The following AFDN variants were observed in gnomAD, a reference collection of about 807,000 sequenced individuals.
The protein encoded by AFDN is afadin, adherens junction formation factor, also known as afadin.
AFDN carries 68 observed loss-of-function variants against 216.6 expected under a neutral mutation model. The observed-to-expected ratio is 0.31, with a 90% confidence interval of 0.26 to 0.38. The LOEUF (loss-of-function observed/expected upper bound fraction) is 0.38. Ranked by LOEUF, AFDN falls within the 10% of genes least tolerant of loss-of-function variation. The pLI, the probability that AFDN is intolerant of heterozygous loss-of-function variation, is 1.00. For synonymous variants in AFDN, 868 were observed against 853.7 expected (o/e 1.02, Z -0.29); for missense variants, 2,136 against 2,342.0 (o/e 0.91, Z 1.82).
In AFDN at chr6:167,864,438, T is replaced by G. The variant is rs1334269829; in HGVS notation, c.106-113T>G. On this transcript the variant is annotated intron_variant, in intron 1 of 33. Transcript: ENST00000683244. The stretch of plus-strand genomic sequence containing the variant: ...TCTCTCTACATTAGTCTCAGATGTT[T>G]ATGATGAAGCATTTTTTAAAAAAGT... 3 of 1,013,592 alleles carry G rather than the reference T, an allele frequency of 3.0e-6. No individual in the cohort carries two copies. In the African/African-American group the frequency reaches 4.7e-5, roughly 16 times the overall value. 62.8% of individuals were successfully genotyped at this position (1,013,592 alleles called of 1,614,324 possible). A position where few individuals can be genotyped will look rare whatever the true frequency, so the allele number is the denominator to read the frequency against.
intron 1 of AFDN, among the ~76,000 whole-genome samples, chr6:167,845,957 G>A (rs1781628150): frequency 6.6e-6 from 1 of 152,144 alleles, no homozygotes; most frequent in South Asian, 2.1e-4. Context: ...CAGGAGAGAA[G>A]TGAGTGCAAG....
Position 167,909,080 on chromosome 6 carries a change from T to C in AFDN, c.1769+1791T>C, listed in dbSNP as rs146984304. ...GTAAAGTTTACTCAGGTTCACTTTA[T>C]GAGATATATAACTGCCTAGCTACAA... is the stretch of plus-strand genomic sequence containing the variant. On this transcript the variant is annotated intron_variant, in intron 13 of 33. Coordinates refer to ENST00000683244, the MANE Select transcript of AFDN (RefSeq NM_001386888.1). Among the ~76,000 whole-genome samples, 662 of 152,262 alleles carry C rather than the reference T, an allele frequency of 4.3e-3. 7 individuals carry two copies. The highest frequency in any genetic ancestry group is 0.015 in the East Asian group (79 of 5,192).
At chr6:167,830,942 T>TC (rs892904238) in intron 1 of AFDN, among the ~76,000 whole-genome samples, 1 of 137,202 alleles carries the variant, frequency 7.3e-6, no homozygotes, top group Non-Finnish European at 1.6e-5. Flanking sequence ...ACTTTTTTTT[T>TC]TTTTTTTTTT....
At chr6:167,944,267 C>T (rs1030550857) in intron 26 of AFDN, among the ~76,000 whole-genome samples, 3 of 152,162 alleles carry the variant, frequency 2.0e-5, no homozygotes, top group Non-Finnish European at 4.4e-5. Context: ...CAGGACCCCT[C>T]CCTGTCACCA....
intron 3 of AFDN, 26 bp downstream of exon 3, chr6:167,870,524 G>A (rs756653203): frequency 6.8e-6 from 10 of 1,478,884 alleles, no homozygotes; most frequent in Admixed American, 5.3e-5. Flanking sequence ...ATTTTATGAC[G>A]GTCTTGGTCC....
chr6:167,921,545 A>G (rs1460556882), intron 21 of AFDN, among the ~76,000 whole-genome samples: 2 of 152,212 alleles, frequency 1.3e-5, no homozygotes, highest in East Asian at 3.8e-4. Context: ...CATACAATAC[A>G]GTTCTGTGAG....
intron 31 of AFDN, chr6:167,963,750 C>T (rs2128751425): frequency 9.4e-7 from 1 of 1,062,116 alleles, no homozygotes; most frequent in Non-Finnish European, 1.1e-6. Context: ...GGATTAGGTT[C>T]CCCTGTGAGT....
At chr6:167,939,534 T>C (rs895964512) in intron 23 of AFDN, among the ~76,000 whole-genome samples, 2 of 152,230 alleles carry the variant, frequency 1.3e-5, no homozygotes, top group Admixed American at 1.3e-4. Context: ...TAAACTCTGC[T>C]GAAGAATAGA....
chr6:167,920,976 T>C (rs900586574), intron 21 of AFDN, among the ~76,000 whole-genome samples: 3 of 152,228 alleles, frequency 2.0e-5, no homozygotes, highest in Admixed American at 6.5e-5. Context: ...TTCAAACGCG[T>C]GCCGCTGTCT....
chr6:167,848,177 C>G (rs151215427), intron 1 of AFDN, among the ~76,000 whole-genome samples: 1 of 152,246 alleles, frequency 6.6e-6, no homozygotes, highest in Admixed American at 6.5e-5. Context: ...TGAGTTTATT[C>G]GTAACTATCA....
intron 9 of AFDN, among the ~76,000 whole-genome samples, chr6:167,896,533 T>C (rs557582837): frequency 3.1e-4 from 47 of 152,332 alleles, no homozygotes; most frequent in Non-Finnish European, 5.3e-4. Flanking sequence ...AAGGCCTGTG[T>C]GTCTTTGATG....
intron 23 of AFDN, among the ~76,000 whole-genome samples, chr6:167,938,938 T>C (rs891799305): frequency 6.6e-6 from 1 of 152,162 alleles, no homozygotes; most frequent in Non-Finnish European, 1.5e-5. Context: ...GCTTGGGTTT[T>C]AGGGAGAAAT....
At chr6:167,872,830 T>A (rs2073652) in intron 4 of AFDN, among the ~76,000 whole-genome samples, 1 of 152,008 alleles carries the variant, frequency 6.6e-6, no homozygotes. Flanking sequence ...TCCCTCCACT[T>A]CCACCTCCCA....
At chr6:167,954,536 T>G in intron 30 of AFDN, 5 of 1,571,034 alleles carry the variant, frequency 3.2e-6, no homozygotes, top group Non-Finnish European at 3.5e-6. Flanking sequence ...TTTCCTGTCT[T>G]GATTTTCTTT....
chr6:167,908,956 T>C (rs998632809), intron 13 of AFDN, among the ~76,000 whole-genome samples: 1 of 152,150 alleles, frequency 6.6e-6, no homozygotes, highest in East Asian at 1.9e-4. Context: ...AAAAACCCTT[T>C]TGAATGGAGG....
intron 1 of AFDN, among the ~76,000 whole-genome samples, chr6:167,859,173 TG>T (rs1025233179): frequency 2.0e-5 from 3 of 151,946 alleles, no homozygotes; most frequent in Admixed American, 2.0e-4. Flanking sequence ...ATAGTGTTCT[TG>T]AAGTATTAGG....
At chr6:167,893,602 C>T (rs1787876036) in intron 8 of AFDN, 3 of 424,020 alleles carry the variant, frequency 7.1e-6, no homozygotes, top group Admixed American at 3.5e-5. Context: ...TGCTGTCCTG[C>T]TGCTTGGTGA....
At chr6:167,946,677 T>G in intron 26 of AFDN, 30 bp from the exon 27 acceptor site, 3 of 1,595,194 alleles carry the variant, frequency 1.9e-6, no homozygotes, top group Non-Finnish European at 2.6e-6. Flanking sequence ...AATAAAATCT[T>G]AAGAGATACT....
chr6:167,951,281 T>G lies in AFDN; in HGVS notation c.3927T>G (p.Ser1309Arg). 6.2e-7 allele frequency: 1 copy of G among 1,614,078 alleles called. No homozygotes were observed. The highest frequency in any genetic ancestry group is 8.5e-7 in the Non-Finnish European group (1 of 1,179,994). Residue 1309 changes from serine (S) to arginine (R), a missense_variant, in exon 30 of 34, where the codon AGT becomes AGG. Ser to Arg is a moderately radical substitution (Grantham distance 110). Transcript: ENST00000683244. The surrounding 1 kb of genome is among the most constrained non-coding windows in gnomAD (Gnocchi z 7.1). Reference sequence around the variant, plus strand: ...CAGCTATGGACCGAAAGTCTGATAGTGATATGTGGATAAATCAGAGCTCCT... The same window carrying G: ...CAGCTATGGACCGAAAGTCTGATAGGGATATGTGGATAAATCAGAGCTCCT... ...IEAAMDRKSDSDMWINQSSSL... is the reference protein window; with the variant it reads ...IEAAMDRKSDRDMWINQSSSL...
Sources: gnomAD v4.1 joint callset for allele counts (sites outside exome capture counted in the v4.1 genomes callset) on GRCh38, gnomAD v4.1.1 for gene constraint, Gnocchi (gnomAD v3.1) non-coding constraint, MANE v1.5 for transcripts, NCBI Gene and HGNC (gene_info 2026-07-23, HGNC 2026-07-21) for gene names.